The following TRPC4 variants were observed in gnomAD, a reference collection of about 807,000 sequenced individuals.
The protein encoded by TRPC4 is transient receptor potential cation channel subfamily C member 4, also known as short transient receptor potential channel 4.
In TRPC4, 49 loss-of-function variants were observed where a neutral mutation model predicts 99.4. That is an observed-to-expected ratio of 0.49 (90% CI 0.39 to 0.63). The LOEUF is 0.63. TRPC4 is among the 20% of genes least tolerant of loss of function. The pLI is 0.00. For missense variants in TRPC4, 898 were observed against 1,152.9 expected (o/e 0.78, Z 3.20); for synonymous variants, 454 against 425.9 (o/e 1.07, Z -0.81).
chr13:37,791,445 T>A (rs546204138), intron 1 of TRPC4, among the ~76,000 whole-genome samples: 2 of 151,924 alleles, frequency 1.3e-5, no homozygotes, highest in Admixed American at 1.3e-4. Flanking sequence ...TTTCTCTTAT[T>A]TAAATAGTCA....
At chr13:37,763,553 T>C (rs1485303498) in intron 2 of TRPC4, among the ~76,000 whole-genome samples, 1 of 151,638 alleles carries the variant, frequency 6.6e-6, no homozygotes, top group African/African-American at 2.4e-5. Context: ...CACTTGAAAT[T>C]AGTGGTCATG....
Position 37,651,392 on chromosome 13 carries a change from C to G in TRPC4, c.1952G>C (p.Gly651Ala). The G allele has an allele frequency of 6.2e-7, 1 of 1,614,042 alleles. No individual in the cohort carries two copies. Among genetic ancestry groups the G allele is most frequent in the Non-Finnish European group, 8.5e-7 (1 of 1,179,972 alleles). The change falls in exon 8 of 11, where the codon GGT (glycine) becomes GCT (alanine). Residue 651 changes from glycine (G) to alanine (A), a missense_variant. Gly to Ala is a moderately conservative substitution (Grantham distance 60). Around this residue, in one of 3 missense-constraint regions of TRPC4, gnomAD observed 274 missense variants for 454.9 expected, o/e 0.60. Coordinates refer to ENST00000379705, the MANE Select transcript of TRPC4 (RefSeq NM_016179.4). ...KLWMSYFEEG[G>A]TLPTPFNVIP... ...GACATTGAAGGGAGTAGGCAGAGTA[C>G]CTCCTTCTTCAAAATAACTCATCCA...
chr13:37,824,715 G>A (rs974524682), intron 1 of TRPC4, among the ~76,000 whole-genome samples: 4 of 152,154 alleles, frequency 2.6e-5, no homozygotes, highest in Admixed American at 1.3e-4. Flanking sequence ...GTTCATCGAG[G>A]ATATTGGTCT....
At chr13:37,684,858 G>A (rs1953409467) in intron 4 of TRPC4, among the ~76,000 whole-genome samples, 1 of 148,758 alleles carries the variant, frequency 6.7e-6, no homozygotes, top group East Asian at 2.0e-4. Flanking sequence ...AAATAATAAT[G>A]TCCTTGAAGA....
At chr13:37,841,393 T>G (rs774578671) in intron 1 of TRPC4, among the ~76,000 whole-genome samples, 2 of 151,966 alleles carry the variant, frequency 1.3e-5, no homozygotes, top group Non-Finnish European at 2.9e-5. Context: ...ATAAAAGTGG[T>G]GTAAAAGAAC....
At chr13:37,734,030 T>A (rs959257701) in intron 3 of TRPC4, among the ~76,000 whole-genome samples, 1 of 152,074 alleles carries the variant, frequency 6.6e-6, no homozygotes, top group African/African-American at 2.4e-5. Context: ...CCAGCAGAGA[T>A]AAAATGAGGG....
At chr13:37,716,624 G>A (rs978137404) in intron 3 of TRPC4, among the ~76,000 whole-genome samples, 1 of 151,978 alleles carries the variant, frequency 6.6e-6, no homozygotes, top group Non-Finnish European at 1.5e-5. Context: ...GGGAGGGGAG[G>A]TCATTCTGAG....
chr13:37,865,170 G>A (rs1959654275), intron 1 of TRPC4, among the ~76,000 whole-genome samples: 1 of 151,658 alleles, frequency 6.6e-6, no homozygotes, highest in African/African-American at 2.4e-5. Flanking sequence ...GCATGAATGA[G>A]AGCTCCTCTC....
chr13:37,662,493 C>CA (rs1250412893), intron 6 of TRPC4, among the ~76,000 whole-genome samples: 3 of 152,100 alleles, frequency 2.0e-5, no homozygotes, highest in African/African-American at 7.2e-5. Flanking sequence ...CCAACAAGAG[C>CA]ATTTTAGCTG....
At chr13:37,637,711 GT>G (rs1672564282) in intron 10 of TRPC4, 86 bp from the exon 11 acceptor site, 1 of 1,303,680 alleles carries the variant, frequency 7.7e-7, no homozygotes, top group Admixed American at 2.6e-5. Flanking sequence ...GGTCAGAAAT[GT>G]TTTCACTCCT....
At chr13:37,764,929 T>C (rs745967280) in intron 2 of TRPC4, among the ~76,000 whole-genome samples, 4 of 151,160 alleles carry the variant, frequency 2.6e-5, no homozygotes, top group Admixed American at 6.6e-5. Context: ...TTTACACTTA[T>C]ATTTTTGAGT....
intron 1 of TRPC4, among the ~76,000 whole-genome samples, chr13:37,835,230 CT>C (rs1208914087): frequency 6.6e-6 from 1 of 152,070 alleles, no homozygotes; most frequent in Non-Finnish European, 1.5e-5. Flanking sequence ...TTCGGTGGCT[CT>C]TAATAACTTT....
In TRPC4 at chr13:37,633,313, A is replaced by G. The variant is rs371406370; in HGVS notation, c.*3590T>C. On this transcript the variant is annotated 3_prime_UTR_variant, in exon 11 of 11. Transcript: ENST00000379705. ...AAGCATATTTACAGGGCCACAATGG[A>G]TGGTTCTTACTAGGTTGAGTTTTAA... is the stretch of plus-strand genomic sequence containing the variant. Among the ~76,000 whole-genome samples the G allele has an allele frequency of 1.3e-5, 2 of 152,114 alleles. No homozygotes were observed. Among genetic ancestry groups the G allele is most frequent in the African/African-American group, 4.8e-5 (2 of 41,430 alleles).
chr13:37,773,274 G>C (rs1956604328), intron 2 of TRPC4, among the ~76,000 whole-genome samples: 1 of 151,710 alleles, frequency 6.6e-6, no homozygotes, highest in South Asian at 2.1e-4. Flanking sequence ...CAGGAAAACA[G>C]AGAAACCTAC....
At chr13:37,643,555 C>A (rs906850020) in intron 8 of TRPC4, among the ~76,000 whole-genome samples, 1 of 152,098 alleles carries the variant, frequency 6.6e-6, no homozygotes, top group African/African-American at 2.4e-5. Context: ...CACAGGTGTT[C>A]TAGATGATTG....
At chr13:37,638,397 C>T (rs1951602903) in intron 10 of TRPC4, among the ~76,000 whole-genome samples, 1 of 152,162 alleles carries the variant, frequency 6.6e-6, no homozygotes, top group South Asian at 2.1e-4. Flanking sequence ...ACTTCATTCT[C>T]ATGTTCAAAC....
intron 3 of TRPC4, among the ~76,000 whole-genome samples, chr13:37,698,268 C>A (rs140297260): frequency 4.3e-4 from 64 of 147,708 alleles, no homozygotes; most frequent in African/African-American, 1.4e-3. Flanking sequence ...TCTTGCCATT[C>A]TCCTGTCTCA....
intron 2 of TRPC4, among the ~76,000 whole-genome samples, chr13:37,751,842 G>C (rs1955940704): frequency 6.6e-6 from 1 of 151,680 alleles, no homozygotes; most frequent in African/African-American, 2.4e-5. Flanking sequence ...CCCAAGCAAA[G>C]TGAATCAAAT....
intron 3 of TRPC4, among the ~76,000 whole-genome samples, chr13:37,729,229 G>T (rs1431687330): frequency 2.6e-5 from 4 of 152,046 alleles, no homozygotes; most frequent in African/African-American, 7.2e-5. Flanking sequence ...TTGCAAAGAG[G>T]CTCGACATCA....
Sources: allele counts gnomAD v4.1 joint callset (sites outside exome capture counted in the v4.1 genomes callset), GRCh38; gene constraint gnomAD v4.1.1; regional missense constraint gnomAD v4.1.1; transcripts MANE v1.5; gene names NCBI Gene and HGNC (gene_info 2026-07-23, HGNC 2026-07-21).